Variants in BRI3 observed in about 807,000 individuals in gnomAD.
The protein encoded by BRI3 is membrane protein BRI3.
In BRI3, 6 loss-of-function variants were observed where a neutral mutation model predicts 12.8. That is an observed-to-expected ratio of 0.47 (90% confidence interval 0.26 to 0.93). The LOEUF is 0.93. Ranked by LOEUF, BRI3 falls within the 40% of genes least tolerant of loss-of-function variation. BRI3 has a pLI of 0.15. For synonymous variants in BRI3, 91 were observed against 76.1 expected, an observed-to-expected ratio of 1.20 and a Z score of -1.02; for missense variants, 134 against 171.1, an observed-to-expected ratio of 0.78 and a Z score of 1.21.
chr7:98,303,117 C>T (rs1800494404), upstream of BRI3, among the ~76,000 whole-genome samples: 1 of 152,200 alleles, frequency 6.6e-6, no homozygotes, highest in Non-Finnish European at 1.5e-5. Context: ...GTTTCAAAAG[C>T]TAGCATTCCT....
At chr7:98,293,735 T>TAGA (rs986295240), downstream of BRI3, 6 of 785,116 alleles carry the variant, frequency 7.6e-6, no homozygotes, top group African/African-American at 1.7e-5. Context: ...CCAGCAGCGT[T>TAGA]TTCTGAGTGT....
rs140403173 is a variant in BRI3 at position 98,283,568 on chromosome 7, G to A, written c.245+1115G>A. Among the ~76,000 whole-genome samples the A allele has an allele frequency of 1.2e-3, 188 of 152,284 alleles. 1 individual carries two copies. Among genetic ancestry groups the A allele is most frequent in the African/African-American group, 4.3e-3 (178 of 41,560 alleles). ...GCAGGGTGGGGCGCTGGCTGCCTTC[G>A]GGACATAGTTCTCTCCCGGAGCTGC... On this transcript the variant is annotated intron_variant, in intron 2 of 2. Coordinates refer to ENST00000297290, the MANE Select transcript of BRI3 (RefSeq NM_015379.5).
chr7:98,303,737 G>A (rs1166701273), upstream of BRI3, among the ~76,000 whole-genome samples: 4 of 152,154 alleles, frequency 2.6e-5, no homozygotes, highest in East Asian at 7.7e-4. Context: ...AACCCTAAAC[G>A]CCGTGCCTAG....
chr7:98,306,671 T>C (rs1180017079), intron 1 of BRI3: 8 of 1,105,574 alleles, frequency 7.2e-6, no homozygotes, highest in Non-Finnish European at 1.0e-5. Context: ...AATAGGTAAA[T>C]ATGGACTTTC....
At chr7:98,306,987 A>G (rs1298351988) in intron 1 of BRI3, 1 of 160,686 alleles carries the variant, frequency 6.2e-6, no homozygotes, top group African/African-American at 2.4e-5. Flanking sequence ...CTGACAAGCT[A>G]GTTACAGGAA....
chr7:98,306,502 G>A (rs973646026), upstream of BRI3: 2 of 1,613,970 alleles, frequency 1.2e-6, no homozygotes, highest in Non-Finnish European at 1.7e-6. Context: ...GTACGACGAC[G>A]GGAACCAACC....
At chr7:98,307,555 C>G (rs1800704826) in exon 2 of BRI3, 2 of 1,469,244 alleles carry the variant, frequency 1.4e-6, no homozygotes, top group Non-Finnish European at 1.8e-6. Flanking sequence ...CTTCAGTTAA[C>G]TAAACTAGAA....
At chr7:98,287,999 CTGAT>C (rs1244505204) in intron 2 of BRI3, among the ~76,000 whole-genome samples, 1 of 152,180 alleles carries the variant, frequency 6.6e-6, no homozygotes, top group Non-Finnish European at 1.5e-5. Flanking sequence ...CAGATGGTCA[CTGAT>C]TGGGCTGGCT....
At chr7:98,283,227 C>G (rs1042482402) in intron 2 of BRI3, among the ~76,000 whole-genome samples, 3 of 151,844 alleles carry the variant, frequency 2.0e-5, no homozygotes, top group African/African-American at 4.8e-5. Context: ...TCAGCTGTGT[C>G]TCGGAGGAGG....
At chr7:98,286,361 C>T (rs535514602) in intron 2 of BRI3, among the ~76,000 whole-genome samples, 1 of 152,352 alleles carries the variant, frequency 6.6e-6, no homozygotes, top group African/African-American at 2.4e-5. Context: ...ACTTTCACTG[C>T]AGGACTGGAG....
At chr7:98,320,249 A>T in the BRI3 span, 2 of 1,608,804 alleles carry the variant, frequency 1.2e-6, no homozygotes, top group Non-Finnish European at 1.7e-6. Flanking sequence ...TTTCATCAAG[A>T]CTCTCGTTGA....
the BRI3 span, chr7:98,320,072 C>A: frequency 6.2e-7 from 1 of 1,613,380 alleles, no homozygotes; most frequent in Non-Finnish European, 8.5e-7. Context: ...ATATATTTCA[C>A]GTCAAGTTCT....
At position 98,307,469 on chromosome 7, in the gene BRI3, C is replaced by T. The variant is rs190815506; in HGVS notation, n.145-46C>T. On this transcript the variant is annotated intron_variant and non_coding_transcript_variant, in intron 1 of 1. Transcript: ENST00000485422. ...CTACTTTCAGACAGGTGACTTCATA[C>T]GCTCTAATAACTATGCATGCACCAA... is the stretch of plus-strand genomic sequence containing the variant. The T allele has an allele frequency of 1.5e-3, 2,135 of 1,410,120 alleles. 5 individuals carry two copies. The highest frequency in any genetic ancestry group is 2.3e-3 in the East Asian group (89 of 38,010). 87.4% of individuals were successfully genotyped at this position (1,410,120 alleles called of 1,614,324 possible).
downstream of BRI3, chr7:98,311,974 G>A (rs747490454): frequency 2.0e-6 from 2 of 998,576 alleles, no homozygotes; most frequent in Non-Finnish European, 1.5e-6. Context: ...GGATAGAGGT[G>A]CGAAAAGGTG....
At chr7:98,287,268 G>GT (rs774789075) in intron 2 of BRI3, among the ~76,000 whole-genome samples, 22 of 152,224 alleles carry the variant, frequency 1.4e-4, no homozygotes, top group Admixed American at 1.3e-4. Flanking sequence ...GGGCAGGAGG[G>GT]TGGGGGTTGA....
chr7:98,281,953 A>G lies in BRI3; in HGVS notation c.142+16A>G. ...CTCGTCACAGGTGGGCCCGTAACCA[A>G]CTTTCCCCGCCGGCGGCTTCCGAGG... is the stretch of plus-strand genomic sequence containing the variant. On this transcript the variant is annotated intron_variant, in intron 1 of 2. Transcript: ENST00000297290. The G allele has an allele frequency of 7.7e-7, 1 of 1,293,476 alleles. No individual in the cohort carries two copies. The highest frequency in any genetic ancestry group is 9.8e-7 in the Non-Finnish European group (1 of 1,022,192). The allele number at this position is 1,293,476 out of a possible 1,614,324, so 80.1% of individuals were successfully genotyped here.
downstream of BRI3, among the ~76,000 whole-genome samples, chr7:98,296,624 TA>T (rs1417221044): frequency 6.6e-6 from 1 of 151,870 alleles, no homozygotes; most frequent in Non-Finnish European, 1.5e-5. Context: ...ACTCCATCTG[TA>T]AAAAACAAAA....
chr7:98,294,195 G>A (rs1209724949), downstream of BRI3: 3 of 1,460,974 alleles, frequency 2.1e-6, no homozygotes, highest in African/African-American at 1.4e-5. Context: ...GATTTGCTAT[G>A]TTGCCCAGGC....
At chr7:98,296,884 G>A (rs1256925894), downstream of BRI3, among the ~76,000 whole-genome samples, 1 of 152,154 alleles carries the variant, frequency 6.6e-6, no homozygotes, top group Non-Finnish European at 1.5e-5. Context: ...TCCTCCCTGC[G>A]TCCCTGTCTC....
Sources: gnomAD v4.1 joint callset for allele counts (sites outside exome capture counted in the v4.1 genomes callset) on GRCh38, gnomAD v4.1.1 for gene constraint, MANE v1.5 for transcripts, NCBI Gene and HGNC (gene_info 2026-07-23, HGNC 2026-07-21) for gene names.